Variants in RBFOX1 observed in about 807,000 individuals in gnomAD.
RBFOX1 encodes the protein RNA binding protein fox-1 homolog 1.
In RBFOX1, 8 loss-of-function variants were observed where a neutral mutation model predicts 57.7. That is an observed-to-expected ratio of 0.14 (90% CI 0.08 to 0.25). The LOEUF (loss-of-function observed/expected upper bound fraction) is 0.25, where lower values mean the gene tolerates loss of function less well. Among genes scored for constraint, RBFOX1 ranks in the 10% least tolerant of loss-of-function variants. The probability of loss-of-function intolerance (pLI) is 1.00; values close to 1 mark genes in which losing one functional copy is unlikely to be tolerated. For synonymous variants in RBFOX1, 326 were observed against 222.4 expected, an observed-to-expected ratio of 1.47 and a Z score of -4.15; for missense variants, 611 against 548.5, an observed-to-expected ratio of 1.11 and a Z score of -1.14.
At chr16:6,686,524 C>G (rs996637691) in intron 3 of RBFOX1, among the ~76,000 whole-genome samples, 1 of 152,134 alleles carries the variant, frequency 6.6e-6, no homozygotes, top group Admixed American at 6.5e-5. Context: ...TTCTTCCATC[C>G]ATGAAATTAT....
In RBFOX1 at chr16:6,060,122, G is replaced by GTTTTTTGTTTTTTTTTTTTTTT. The variant is rs1567355465; in HGVS notation, c.-127+40136_-127+40137insGTTTTTTTTTTTTTTTTTTTTT. Among the ~76,000 whole-genome samples the GTTTTTTGTTTTTTTTTTTTTTT allele has an allele frequency of 9.6e-5, 11 of 114,210 alleles. 1 individual carries two copies. In the East Asian group the frequency reaches 1.1e-3, roughly 11 times the overall value. 74.9% of individuals were successfully genotyped at this position (114,210 alleles called of 152,430 possible). On this transcript the variant is annotated intron_variant, in intron 1 of 15. Transcript: ENST00000550418. ...ATTTGGCCCTAAAATTAGGATTAGG[G>GTTTTTTGTTTTTTTTTTTTTTT]TTTTTTTTTTTTTTTTTTTTTTTTT...
chr16:6,983,298 A>T (rs561146334), intron 3 of RBFOX1, among the ~76,000 whole-genome samples: 1 of 152,146 alleles, frequency 6.6e-6, no homozygotes, highest in African/African-American at 2.4e-5. Context: ...TGTCTATCCA[A>T]TGAGTTTTGT....
At chr16:6,672,110 C>T (rs2098769133) in intron 3 of RBFOX1, among the ~76,000 whole-genome samples, 1 of 152,162 alleles carries the variant, frequency 6.6e-6, no homozygotes, top group South Asian at 2.1e-4. Context: ...GTCCATCTCA[C>T]CTAATTATAC....
chr16:6,513,246 G>T (rs1280017963), intron 2 of RBFOX1, among the ~76,000 whole-genome samples: 2 of 152,170 alleles, frequency 1.3e-5, no homozygotes, highest in Non-Finnish European at 2.9e-5. Context: ...GTGAATGCTG[G>T]GCACTTAGCA....
chr16:6,714,493 G>T (rs754913819), intron 3 of RBFOX1, among the ~76,000 whole-genome samples: 1 of 152,118 alleles, frequency 6.6e-6, no homozygotes, highest in Admixed American at 6.5e-5. Flanking sequence ...ACATAGCTTA[G>T]TATTATCCTA....
chr16:6,805,307 A>G (rs188167051), intron 3 of RBFOX1, among the ~76,000 whole-genome samples: 5 of 152,330 alleles, frequency 3.3e-5, no homozygotes, highest in Admixed American at 2.6e-4. Flanking sequence ...CAAATATTGC[A>G]TGTTCTCACT....
chr16:6,504,336 C>T (rs1181168866), intron 2 of RBFOX1, among the ~76,000 whole-genome samples: 3 of 152,202 alleles, frequency 2.0e-5, no homozygotes, highest in Admixed American at 6.5e-5. Flanking sequence ...CATTCCCCTG[C>T]CCTTCACCAT....
At chr16:7,158,999 G>A (rs890244613) in intron 4 of RBFOX1, among the ~76,000 whole-genome samples, 3 of 152,008 alleles carry the variant, frequency 2.0e-5, no homozygotes, top group Non-Finnish European at 4.4e-5. Context: ...GGATCCCTCA[G>A]ATTCCCCCCA....
At chr16:6,859,199 A>ATATATATGTATATATATG (rs1567594046) in intron 3 of RBFOX1, among the ~76,000 whole-genome samples, 8 of 107,790 alleles carry the variant, frequency 7.4e-5, no homozygotes, top group African/African-American at 2.2e-4. Flanking sequence ...ATATATATGT[A>ATATATATGTATATATATG]TATATATATA....
chr16:6,293,885 C>A (rs1376802650), intron 1 of RBFOX1, among the ~76,000 whole-genome samples: 1 of 14,598 alleles, frequency 6.9e-5, no homozygotes, highest in Non-Finnish European at 1.9e-4. Context: ...TCTCAGAATT[C>A]CAGGGTGAGC....
intron 5 of RBFOX1, among the ~76,000 whole-genome samples, chr16:7,557,629 AAAAAAAAAAAAAAGAAAAAG>A (rs1299740517): frequency 4.6e-4 from 55 of 119,072 alleles, no homozygotes; most frequent in African/African-American, 1.3e-3. Flanking sequence ...CAAAAAAAAA[AAAAAAAAAAAAAAGAAAAAG>A]AAAAAAAAAA....
chr16:6,907,716 A>G (rs1211806143), intron 3 of RBFOX1, among the ~76,000 whole-genome samples: 1 of 152,046 alleles, frequency 6.6e-6, no homozygotes, highest in Non-Finnish European at 1.5e-5. Flanking sequence ...GATTACAGGC[A>G]TGCACCACCA....
chr16:7,068,341 G>A (rs1179411172), intron 4 of RBFOX1, among the ~76,000 whole-genome samples: 5 of 152,090 alleles, frequency 3.3e-5, no homozygotes, highest in African/African-American at 1.2e-4. Context: ...TTTGTGTTCT[G>A]GGATGGTCCA....
At chr16:6,962,425 G>A (rs2083220317) in intron 3 of RBFOX1, among the ~76,000 whole-genome samples, 1 of 152,140 alleles carries the variant, frequency 6.6e-6, no homozygotes, top group South Asian at 2.1e-4. Flanking sequence ...TACAACCTGT[G>A]CAACTTTTTC....
At chr16:6,534,804 GTGT>G (rs1368332255) in intron 2 of RBFOX1, among the ~76,000 whole-genome samples, 2 of 152,142 alleles carry the variant, frequency 1.3e-5, no homozygotes, top group Non-Finnish European at 2.9e-5. Flanking sequence ...GTATATGTGT[GTGT>G]TGGCAAAACA....
intron 1 of RBFOX1, among the ~76,000 whole-genome samples, chr16:5,424,705 A>G (rs1488093505): frequency 6.6e-6 from 1 of 151,940 alleles, no homozygotes; most frequent in Non-Finnish European, 1.5e-5. Context: ...CTGAGGGCGC[A>G]CGTGTGGGTT....
intron 3 of RBFOX1, among the ~76,000 whole-genome samples, chr16:6,699,632 A>G (rs1273566294): frequency 2.6e-5 from 4 of 152,204 alleles, no homozygotes; most frequent in African/African-American, 7.2e-5. Flanking sequence ...TTTTGTTGGC[A>G]TGAATACTCA....
At chr16:6,571,166 T>C (rs962341643) in intron 2 of RBFOX1, among the ~76,000 whole-genome samples, 2 of 152,180 alleles carry the variant, frequency 1.3e-5, no homozygotes, top group Non-Finnish European at 2.9e-5. Flanking sequence ...GTAATTTGTT[T>C]TGACAACTAC....
At chr16:5,914,600 A>C (rs1179659895) in intron 4 of RBFOX1, among the ~76,000 whole-genome samples, 1 of 152,150 alleles carries the variant, frequency 6.6e-6, no homozygotes, top group Non-Finnish European at 1.5e-5. Flanking sequence ...GAGCAAAAGA[A>C]AAAAAAGGGA....
Sources: allele counts gnomAD v4.1 joint callset (sites outside exome capture counted in the v4.1 genomes callset), GRCh38; gene constraint gnomAD v4.1.1; transcripts MANE v1.5; gene names NCBI Gene and HGNC (gene_info 2026-07-23, HGNC 2026-07-21).